Variants in CDK13 observed in about 807,000 individuals in gnomAD.
CDK13 encodes cyclin-dependent kinase 13.
Under a neutral mutation model 137.6 loss-of-function variants are expected in CDK13, and 40 were observed. The observed-to-expected ratio is 0.29, with a 90% CI of 0.23 to 0.38. CDK13 has a LOEUF of 0.38. CDK13 is among the 10% of genes least tolerant of loss of function. CDK13 has a pLI of 1.00. For synonymous variants in CDK13, 869 were observed against 760.1 expected (o/e 1.14, Z -2.36); for missense variants, 1,704 against 1,951.8 (o/e 0.87, Z 2.39).
intron 5 of CDK13, among the ~76,000 whole-genome samples, chr7:40,018,086 A>G (rs1785040154): frequency 6.6e-6 from 1 of 152,036 alleles, no homozygotes. Flanking sequence ...TTAAAAAAAA[A>G]GATTTTATTT....
intron 6 of CDK13, 147 bp from the exon 7 acceptor site, chr7:40,047,674 A>G (rs1474862713): frequency 1.9e-6 from 1 of 531,478 alleles, no homozygotes; most frequent in Non-Finnish European, 3.4e-6. Context: ...CTTTCCCTGT[A>G]TTACCTTGAT....
Position 40,099,442 on chromosome 7 carries a change from T to C in CDK13, c.*4462T>C, listed in dbSNP as rs942214167. On this transcript the variant is annotated 3_prime_UTR_variant, in exon 14 of 14. Transcript: ENST00000181839. ...TCCCAGTTAATTTGTTTAAAAGTGT[T>C]GTACTCTCTTGCAAGAACGTTTAAA... 18 of 152,232 alleles carry C rather than the reference T, an allele frequency of 1.2e-4. No individual in the cohort carries two copies. 9.4% of individuals were successfully genotyped at this position (152,232 alleles called of 1,614,324 possible).
At chr7:40,003,202 A>T (rs868228115) in intron 5 of CDK13, among the ~76,000 whole-genome samples, 31,494 of 76,204 alleles carry the variant, frequency 0.41, 4,471 homozygotes, top group Middle Eastern at 0.52. Flanking sequence ...ACACACACAC[A>T]CACACTCTCT....
At chr7:39,970,811 A>T (rs1783981750) in intron 1 of CDK13, among the ~76,000 whole-genome samples, 1 of 152,208 alleles carries the variant, frequency 6.6e-6, no homozygotes, top group Non-Finnish European at 1.5e-5. Flanking sequence ...TGTTAAATAC[A>T]GACATAAAAT....
intron 5 of CDK13, among the ~76,000 whole-genome samples, chr7:40,021,110 T>TAC (rs1284247106): frequency 0.013 from 1,030 of 81,884 alleles, 13 homozygotes; most frequent in Middle Eastern, 0.044. Flanking sequence ...AACGTATATA[T>TAC]ATATATATAT....
chr7:40,058,554 TAAA>T (rs957465604), intron 7 of CDK13, among the ~76,000 whole-genome samples: 3 of 12,288 alleles, frequency 2.4e-4, no homozygotes, highest in African/African-American at 1.1e-3. Context: ...AATAAAATAA[TAAA>T]AACAAAAACG....
chr7:40,064,801 C>A (rs867866506), intron 9 of CDK13, among the ~76,000 whole-genome samples: 4 of 133,964 alleles, frequency 3.0e-5, no homozygotes, highest in South Asian at 4.8e-4. Context: ...TTTTTTTTTC[C>A]TGTTTTTTGA....
In CDK13 at chr7:39,950,915, C is replaced by G. The variant is rs2116050994; in HGVS notation, c.274C>G (p.Leu92Val). ...GGGCCCCCCTCTGGAGGTCAAGCGGCTGGCGAGAGGCAAGAGGCGCGCAGG... is the reference window on the plus strand; with the variant it reads ...GGGCCCCCCTCTGGAGGTCAAGCGGGTGGCGAGAGGCAAGAGGCGCGCAGG... ...SPGPPLEVKR[L>V]ARGKRRAGGR... is the part of the protein sequence containing the mutation. The change falls in exon 1 of 14, where the codon CTG becomes GTG. Residue 92 changes from leucine to valine, a missense_variant. This residue lies in a region of CDK13 where 1,051 missense variants were observed against 931.0 expected (regional missense o/e 1.13). Coordinates refer to ENST00000181839, the MANE Select transcript of CDK13 (RefSeq NM_003718.5). 7.5e-7 allele frequency: 1 copy of G among 1,330,448 alleles called. No homozygotes were observed. Among genetic ancestry groups the G allele is most frequent in the Non-Finnish European group, 9.5e-7 (1 of 1,047,698 alleles). 82.4% of individuals were successfully genotyped at this position (1,330,448 alleles called of 1,614,324 possible). A position where few individuals can be genotyped will look rare whatever the true frequency, so the allele number is the denominator to read the frequency against.
At chr7:39,960,196 A>G (rs944699552) in intron 1 of CDK13, among the ~76,000 whole-genome samples, 11 of 144,394 alleles carry the variant, frequency 7.6e-5, no homozygotes, top group African/African-American at 2.7e-4. Flanking sequence ...CAGATTTAAA[A>G]TACCACTTTC....
At chr7:40,044,857 T>C (rs1366731268) in intron 5 of CDK13, among the ~76,000 whole-genome samples, 2 of 152,010 alleles carry the variant, frequency 1.3e-5, no homozygotes, top group Non-Finnish European at 2.9e-5. Context: ...AGGATGGTCT[T>C]GATCTCCTGA....
chr7:40,074,121 C>A (rs1311679092), intron 9 of CDK13, among the ~76,000 whole-genome samples: 1 of 152,144 alleles, frequency 6.6e-6, no homozygotes, highest in Non-Finnish European at 1.5e-5. Flanking sequence ...AGCCTAGTCT[C>A]AAACTCCTGC....
intron 5 of CDK13, among the ~76,000 whole-genome samples, chr7:40,030,274 TAGAGAGAG>T (rs70996874): frequency 1.2e-4 from 18 of 147,450 alleles, no homozygotes; most frequent in African/African-American, 4.3e-4. Context: ...TATATATATA[TAGAGAGAG>T]AGAGAGAGAG....
intron 1 of CDK13, among the ~76,000 whole-genome samples, chr7:39,979,241 G>C (rs1333817895): frequency 7.4e-6 from 1 of 135,726 alleles, no homozygotes; most frequent in Non-Finnish European, 1.6e-5. Context: ...TTGAGACAGA[G>C]TTTTCGCTCT....
intron 2 of CDK13, among the ~76,000 whole-genome samples, chr7:39,996,792 G>A (rs913419768): frequency 5.3e-5 from 8 of 151,580 alleles, no homozygotes; most frequent in African/African-American, 1.9e-4. Flanking sequence ...GTGAAACCCC[G>A]TCTCTATTAA....
At chr7:40,015,447 A>G (rs1458056086) in intron 5 of CDK13, among the ~76,000 whole-genome samples, 1 of 152,152 alleles carries the variant, frequency 6.6e-6, no homozygotes, top group Non-Finnish European at 1.5e-5. Context: ...TTAGAATCCT[A>G]TACTCTGTTT....
At chr7:40,015,894 G>T (rs1359653780) in intron 5 of CDK13, among the ~76,000 whole-genome samples, 1 of 152,190 alleles carries the variant, frequency 6.6e-6, no homozygotes, top group African/African-American at 2.4e-5. Flanking sequence ...CAAACTGGCA[G>T]TGAAAGGAAG....
chr7:40,067,093 G>C (rs534666172), intron 9 of CDK13, among the ~76,000 whole-genome samples: 3 of 152,216 alleles, frequency 2.0e-5, no homozygotes, highest in East Asian at 3.9e-4. Context: ...AATTATCTCA[G>C]TTAAGCTTCG....
At chr7:39,983,374 G>A (rs1784270543) in intron 1 of CDK13, among the ~76,000 whole-genome samples, 1 of 152,126 alleles carries the variant, frequency 6.6e-6, no homozygotes, top group African/African-American at 2.4e-5. Context: ...GCCCACCTCA[G>A]CCTCCCAAAG....
In CDK13 at chr7:39,950,422, G is replaced by T. The variant is rs17496109; in HGVS notation, c.-220G>T. 1,062 of 1,231,850 alleles carry T rather than the reference G, an allele frequency of 8.6e-4. 10 individuals carry two copies. The African/African-American group carries it at 0.015, about 18-fold the overall frequency. The allele number at this position is 1,231,850 out of a possible 1,614,324, so 76.3% of individuals were successfully genotyped here. ...GCGCAATCGGGAGCTCCGCCGCCCG[G>T]ATTCCTGCTTCCCTGGGGCCCGGAG... is the stretch of plus-strand genomic sequence containing the variant. On this transcript the variant is annotated 5_prime_UTR_variant, in exon 1 of 14. Coordinates refer to ENST00000181839, the MANE Select transcript of CDK13 (RefSeq NM_003718.5).
Sources: allele counts gnomAD v4.1 joint callset (sites outside exome capture counted in the v4.1 genomes callset), GRCh38; gene constraint gnomAD v4.1.1; regional missense constraint gnomAD v4.1.1; transcripts MANE v1.5; gene names NCBI Gene and HGNC (gene_info 2026-07-23, HGNC 2026-07-21).